The following KCNB2 variants were observed in gnomAD, a reference collection of about 807,000 sequenced individuals.
KCNB2 encodes the protein potassium voltage-gated channel subfamily B member 2, also known as delayed rectifier potassium channel protein.
Under a neutral mutation model 61.5 loss-of-function variants are expected in KCNB2, and 15 were observed. The ratio of observed to expected loss-of-function variants is 0.24; its 90% CI spans 0.16 to 0.38. The LOEUF is 0.38. Among genes scored for constraint, KCNB2 ranks in the 10% least tolerant of loss-of-function variants. The probability of loss-of-function intolerance (pLI) is 1.00; values close to 1 mark genes in which losing one functional copy is unlikely to be tolerated. For missense variants in KCNB2, 828 were observed against 1,125.2 expected (o/e 0.74, Z 3.78); for synonymous variants, 457 against 446.0 (o/e 1.02, Z -0.31).
intron 2 of KCNB2, among the ~76,000 whole-genome samples, chr8:72,623,536 A>G (rs1364449461): frequency 2.0e-5 from 3 of 152,232 alleles, no homozygotes; most frequent in Non-Finnish European, 2.9e-5. Flanking sequence ...TTTCAGGGAC[A>G]ATAAAGAATT....
At chr8:72,747,917 C>T (rs59569711) in intron 2 of KCNB2, among the ~76,000 whole-genome samples, 13,181 of 152,172 alleles carry the variant, frequency 0.087, 1,175 homozygotes, top group East Asian at 0.5. Context: ...TTTATCCACT[C>T]AGTCAAATAA....
intron 2 of KCNB2, among the ~76,000 whole-genome samples, chr8:72,846,755 AC>A (rs1446344371): frequency 6.6e-6 from 1 of 152,138 alleles, no homozygotes; most frequent in Admixed American, 6.5e-5. Flanking sequence ...AAGTCAAGAA[AC>A]AACAGGTGCT....
At chr8:72,651,772 T>A in intron 2 of KCNB2, among the ~76,000 whole-genome samples, 1 of 152,144 alleles carries the variant, frequency 6.6e-6, no homozygotes, top group East Asian at 1.9e-4. Flanking sequence ...TTGTATCATT[T>A]CATGATACAA....
chr8:72,608,888 A>G (rs923143315), intron 2 of KCNB2, among the ~76,000 whole-genome samples: 1 of 152,200 alleles, frequency 6.6e-6, no homozygotes, highest in African/African-American at 2.4e-5. Context: ...GATGTCAACC[A>G]TCCAAAGATC....
intron 2 of KCNB2, among the ~76,000 whole-genome samples, chr8:72,588,279 C>T (rs1174889665): frequency 2.1e-5 from 3 of 145,470 alleles, no homozygotes; most frequent in Admixed American, 1.4e-4. Context: ...AGTGCAATGG[C>T]GTGATCTTGG....
chr8:72,834,907 A>G (rs939280350), intron 2 of KCNB2, among the ~76,000 whole-genome samples: 4 of 152,234 alleles, frequency 2.6e-5, no homozygotes, highest in Admixed American at 2.6e-4. Context: ...GGAACCAGGC[A>G]AATAAGGCAA....
chr8:72,651,507 A>G (rs1052388577), intron 2 of KCNB2, among the ~76,000 whole-genome samples: 4 of 152,142 alleles, frequency 2.6e-5, no homozygotes, highest in African/African-American at 9.7e-5. Context: ...CTTAACATTA[A>G]CATCCACAGA....
intron 2 of KCNB2, among the ~76,000 whole-genome samples, chr8:72,804,870 G>T (rs1307041717): frequency 6.6e-6 from 1 of 152,188 alleles, no homozygotes; most frequent in African/African-American, 2.4e-5. Flanking sequence ...GGATTGGACT[G>T]AGTGAGAGAA....
At chr8:72,916,229 G>T (rs1322366059) in intron 2 of KCNB2, among the ~76,000 whole-genome samples, 1 of 152,270 alleles carries the variant, frequency 6.6e-6, no homozygotes, top group Admixed American at 6.5e-5. Flanking sequence ...TTTGGAAAAG[G>T]TTGGTTAAAT....
In KCNB2 at chr8:72,860,651, G is replaced by A. The variant is rs558249525; in HGVS notation, c.580-75284G>A. Among the ~76,000 whole-genome samples the A allele has an allele frequency of 3.3e-5, 5 of 152,286 alleles. No individual in the cohort carries two copies. In the South Asian group the frequency reaches 6.2e-4, roughly 19 times the overall value. On this transcript the variant is annotated intron_variant, in intron 2 of 2. Transcript: ENST00000523207. ...AGAAGGAGCATCTCATAGCAAGCAGGCCCTTTACTACTATCTGAGGAAATG... is the reference window on the plus strand; with the variant it reads ...AGAAGGAGCATCTCATAGCAAGCAGACCCTTTACTACTATCTGAGGAAATG...
intron 2 of KCNB2, among the ~76,000 whole-genome samples, chr8:72,800,164 C>T (rs1267848881): frequency 2.6e-5 from 4 of 152,082 alleles, no homozygotes; most frequent in Non-Finnish European, 5.9e-5. Flanking sequence ...GAAATACATA[C>T]GTGTGTAAAC....
intron 2 of KCNB2, among the ~76,000 whole-genome samples, chr8:72,788,701 A>G (rs183154636): frequency 8.5e-5 from 13 of 152,274 alleles, no homozygotes; most frequent in Non-Finnish European, 1.8e-4. Flanking sequence ...ATTGAAGAGA[A>G]TTAGAGAACC....
chr8:72,591,634 A>G (rs1406941436), intron 2 of KCNB2, among the ~76,000 whole-genome samples: 1 of 152,146 alleles, frequency 6.6e-6, no homozygotes, highest in Non-Finnish European at 1.5e-5. Flanking sequence ...CCTGTTCACT[A>G]GACTTGAATT....
chr8:72,604,868 A>G (rs1440005233), intron 2 of KCNB2, among the ~76,000 whole-genome samples: 2 of 152,236 alleles, frequency 1.3e-5, no homozygotes, highest in African/African-American at 4.8e-5. Context: ...TGAACTATCC[A>G]TCAATCATAC....
intron 2 of KCNB2, among the ~76,000 whole-genome samples, chr8:72,770,966 A>T (rs1303626804): frequency 6.6e-6 from 1 of 152,248 alleles, no homozygotes; most frequent in African/African-American, 2.4e-5. Context: ...ATGATATTTT[A>T]AAAACATTCC....
At chr8:72,632,595 C>T (rs1805898416) in intron 2 of KCNB2, among the ~76,000 whole-genome samples, 1 of 152,204 alleles carries the variant, frequency 6.6e-6, no homozygotes, top group African/African-American at 2.4e-5. Context: ...CATCATGCTG[C>T]TGACCTTTGT....
intron 2 of KCNB2, among the ~76,000 whole-genome samples, chr8:72,588,218 CTTT>C (rs34803136): frequency 1.5e-5 from 2 of 132,836 alleles, no homozygotes; most frequent in Non-Finnish European, 1.6e-5. Context: ...GGTTTCTTTT[CTTT>C]TTTTTTTTTT....
At chr8:72,647,699 A>C (rs1281347621) in intron 2 of KCNB2, among the ~76,000 whole-genome samples, 1 of 152,096 alleles carries the variant, frequency 6.6e-6, no homozygotes, top group Non-Finnish European at 1.5e-5. Context: ...AGTGGGAATG[A>C]GGCTGGGCTC....
intron 2 of KCNB2, among the ~76,000 whole-genome samples, chr8:72,770,955 A>G (rs1356463119): frequency 6.6e-6 from 1 of 152,230 alleles, no homozygotes; most frequent in Non-Finnish European, 1.5e-5. Context: ...TATTGCTCCA[A>G]ATGATATTTT....
Sources: allele counts gnomAD v4.1 joint callset (sites outside exome capture counted in the v4.1 genomes callset), GRCh38; gene constraint gnomAD v4.1.1; transcripts MANE v1.5; gene names NCBI Gene and HGNC (gene_info 2026-07-23, HGNC 2026-07-21).